The following SPIDR variants were observed in gnomAD, a reference collection of about 807,000 sequenced individuals.
SPIDR encodes DNA repair-scaffolding protein.
In SPIDR, 93 loss-of-function variants were observed where a neutral mutation model predicts 104.6. That is an observed-to-expected ratio of 0.89 (90% CI 0.75 to 1.06). The LOEUF (loss-of-function observed/expected upper bound fraction) is 1.06, where lower values mean the gene tolerates loss of function less well. Ranked by LOEUF, SPIDR falls within the 50% of genes least tolerant of loss-of-function variation. SPIDR has a pLI of 0.00. For synonymous variants in SPIDR, 431 were observed against 416.9 expected (o/e 1.03, Z -0.41); for missense variants, 1,154 against 1,111.2 (o/e 1.04, Z -0.55).
intron 8 of SPIDR, among the ~76,000 whole-genome samples, chr8:47,555,319 C>T (rs1587696060): frequency 6.6e-6 from 1 of 152,022 alleles, no homozygotes; most frequent in Admixed American, 6.6e-5. Flanking sequence ...ATATTCATTC[C>T]AGTATGTATC....
At chr8:47,591,899 G>A (rs879892779) in intron 8 of SPIDR, among the ~76,000 whole-genome samples, 1 of 151,938 alleles carries the variant, frequency 6.6e-6, no homozygotes, top group Non-Finnish European at 1.5e-5. Context: ...ACGGGGCGGG[G>A]GGGCACTGCT....
intron 7 of SPIDR, among the ~76,000 whole-genome samples, chr8:47,432,727 T>G (rs1487242874): frequency 6.6e-6 from 1 of 152,184 alleles, no homozygotes; most frequent in Non-Finnish European, 1.5e-5. Flanking sequence ...GTCATAGAAA[T>G]AATTTTAAAT....
intron 5 of SPIDR, among the ~76,000 whole-genome samples, chr8:47,377,985 A>G (rs2058868869): frequency 6.6e-6 from 1 of 152,208 alleles, no homozygotes; most frequent in African/African-American, 2.4e-5. Context: ...CACTTATATG[A>G]TTCTATAAAT....
In SPIDR at chr8:47,363,428, G is replaced by T. The variant is rs193143452; in HGVS notation, c.526-32948G>T. Among the ~76,000 whole-genome samples, 36 of 148,246 alleles carry T rather than the reference G, an allele frequency of 2.4e-4. No individual in the cohort carries two copies. The East Asian group carries it at 6.5e-3, about 27-fold the overall frequency. On this transcript the variant is annotated intron_variant, in intron 5 of 19. Coordinates refer to ENST00000297423, the MANE Select transcript of SPIDR (RefSeq NM_001080394.4). ...TCACTGTGTTAGCCAGAATGGTCTC[G>T]ATCTCCTGACCTCTAGATCCACCCA...
intron 8 of SPIDR, chr8:47,592,380 A>T (rs2061136191): frequency 1.1e-5 from 14 of 1,318,016 alleles, no homozygotes; most frequent in African/African-American, 2.9e-5. Flanking sequence ...TAGGATGATA[A>T]ATTTTGGTCA....
At chr8:47,578,455 G>C (rs1372821694) in intron 8 of SPIDR, among the ~76,000 whole-genome samples, 2 of 151,958 alleles carry the variant, frequency 1.3e-5, no homozygotes, top group African/African-American at 2.4e-5. Context: ...CTGGGCAGCA[G>C]AGCGAGACTC....
intron 6 of SPIDR, among the ~76,000 whole-genome samples, chr8:47,399,253 G>C (rs1423635506): frequency 6.6e-6 from 1 of 152,156 alleles, no homozygotes; most frequent in African/African-American, 2.4e-5. Context: ...GGTGAAGGGA[G>C]GCACAAATGG....
chr8:47,378,694 C>T (rs2058969669), intron 5 of SPIDR, among the ~76,000 whole-genome samples: 1 of 152,176 alleles, frequency 6.6e-6, no homozygotes, highest in Non-Finnish European at 1.5e-5. Context: ...CCAAAGTAAT[C>T]TCATGAGGAT....
Position 47,420,532 on chromosome 8 carries a change from G to C in SPIDR, c.877+12571G>C, listed in dbSNP as rs545568073. On this transcript the variant is annotated intron_variant, in intron 7 of 19. Coordinates refer to ENST00000297423, the MANE Select transcript of SPIDR (RefSeq NM_001080394.4). The stretch of plus-strand genomic sequence containing the variant: ...TCTCTGCAAATGAGATGGGTTTCCT[G>C]AATGCAGCACACTGATGGGTCTTGA... Among the ~76,000 whole-genome samples the C allele has an allele frequency of 2.5e-4, 38 of 152,226 alleles. No homozygotes were observed. In the South Asian group the frequency reaches 5.0e-3, roughly 20 times the overall value.
intron 8 of SPIDR, among the ~76,000 whole-genome samples, chr8:47,491,409 T>A (rs1256171478): frequency 1.3e-5 from 2 of 152,078 alleles, no homozygotes; most frequent in African/African-American, 2.4e-5. Flanking sequence ...GGCCATGATA[T>A]CTGCAGTTTA....
intron 10 of SPIDR, among the ~76,000 whole-genome samples, chr8:47,661,395 G>C (rs996897330): frequency 1.3e-5 from 2 of 152,246 alleles, no homozygotes; most frequent in Admixed American, 6.5e-5. Context: ...TGCAGCCCAA[G>C]CCTTAGCTCA....
intron 8 of SPIDR, among the ~76,000 whole-genome samples, chr8:47,558,910 A>G (rs996118877): frequency 7.2e-5 from 11 of 152,188 alleles, no homozygotes; most frequent in Non-Finnish European, 1.3e-4. Context: ...AAGTGCTGAG[A>G]TTACAGGCGT....
At chr8:47,548,567 G>A (rs1349264185) in intron 8 of SPIDR, among the ~76,000 whole-genome samples, 1 of 152,214 alleles carries the variant, frequency 6.6e-6, no homozygotes, top group Non-Finnish European at 1.5e-5. Context: ...AGAATCACTT[G>A]AACCTGGGAG....
intron 5 of SPIDR, among the ~76,000 whole-genome samples, chr8:47,386,384 G>A (rs556438049): frequency 6.6e-6 from 1 of 152,250 alleles, no homozygotes; most frequent in Non-Finnish European, 1.5e-5. Context: ...CTTGACGTAA[G>A]TATTCATATA....
At chr8:47,564,503 A>C (rs1419818186) in intron 8 of SPIDR, among the ~76,000 whole-genome samples, 4 of 150,974 alleles carry the variant, frequency 2.6e-5, no homozygotes, top group Non-Finnish European at 5.9e-5. Context: ...AACATGGTGA[A>C]ACCCTGTCTC....
At chr8:47,362,422 A>T (rs1436613621) in intron 5 of SPIDR, among the ~76,000 whole-genome samples, 1 of 152,120 alleles carries the variant, frequency 6.6e-6, no homozygotes, top group African/African-American at 2.4e-5. Context: ...CCCTGGTATG[A>T]AGGGCCCGGA....
intron 8 of SPIDR, among the ~76,000 whole-genome samples, chr8:47,500,976 G>A (rs2080317165): frequency 6.6e-6 from 1 of 152,228 alleles, no homozygotes; most frequent in South Asian, 2.1e-4. Context: ...TATTTCTGAG[G>A]TCTCTGTTCT....
intron 16 of SPIDR, among the ~76,000 whole-genome samples, chr8:47,719,548 C>A (rs1213428371): frequency 6.6e-6 from 1 of 152,102 alleles, no homozygotes; most frequent in African/African-American, 2.4e-5. Context: ...CCAGTTGTGT[C>A]TGGCCAGTCT....
intron 15 of SPIDR, 28 bp downstream of exon 15, chr8:47,712,900 G>T: frequency 1.2e-6 from 2 of 1,612,944 alleles, no homozygotes; most frequent in Non-Finnish European, 8.5e-7. Context: ...CAGCTTTGAT[G>T]CAGGGGCGAC....
Sources: gnomAD v4.1 joint callset for allele counts (sites outside exome capture counted in the v4.1 genomes callset) on GRCh38, gnomAD v4.1.1 for gene constraint, MANE v1.5 for transcripts, NCBI Gene and HGNC (gene_info 2026-07-23, HGNC 2026-07-21) for gene names.